Variants in TAFA1 observed in about 807,000 individuals in gnomAD.
TAFA1 encodes the protein TAFA chemokine like family member 1.
In TAFA1, 4 loss-of-function variants were observed where a neutral mutation model predicts 18.5. That is an observed-to-expected ratio of 0.22 (90% CI 0.11 to 0.49). The LOEUF (loss-of-function observed/expected upper bound fraction) is 0.49. Among genes scored for constraint, TAFA1 ranks in the 20% least tolerant of loss-of-function variants. The pLI, the probability that TAFA1 is intolerant of heterozygous loss-of-function variation, is 0.98. For synonymous variants in TAFA1, 56 were observed against 55.2 expected (o/e 1.01, Z -0.06); for missense variants, 147 against 169.0 (o/e 0.87, Z 0.72).
chr3:68,137,389 T>G (rs2065621870), intron 2 of TAFA1, among the ~76,000 whole-genome samples: 1 of 152,194 alleles, frequency 6.6e-6, no homozygotes, highest in Non-Finnish European at 1.5e-5. Context: ...TGGATTATAT[T>G]CAGAAAATGA....
intron 2 of TAFA1, among the ~76,000 whole-genome samples, chr3:68,332,983 C>T (rs79478702): frequency 9.9e-5 from 15 of 152,198 alleles, no homozygotes; most frequent in Non-Finnish European, 2.1e-4. Flanking sequence ...AATAGCTATT[C>T]CTAAAAAGTC....
rs1270836684 is a variant in TAFA1, at chr3:68,106,553, G to A, written c.118+99809G>A. 2.0e-5 allele frequency among the ~76,000 whole-genome samples: 3 copies of A among 151,966 alleles called. No homozygotes were observed. In the East Asian group the frequency reaches 5.8e-4, roughly 29 times the overall value. On this transcript the variant is annotated intron_variant, in intron 2 of 4. Coordinates refer to ENST00000478136, the MANE Select transcript of TAFA1 (RefSeq NM_213609.4). ...CTTGAGTAAGGCAACGATTTCTTAG[G>A]GTGAAAAAGAACAAACAATGAAAGA...
rs1456388377 is a variant in TAFA1, at chr3:68,538,762, T to C, written c.266T>C (p.Ile89Thr). The change falls in exon 4 of 5, where the codon ATA (isoleucine) becomes ACA (threonine). Residue 89 changes from isoleucine to threonine, a missense_variant. By Grantham distance (89) the Ile-to-Thr change is moderately conservative. Coordinates refer to ENST00000478136, the MANE Select transcript of TAFA1 (RefSeq NM_213609.4). ...GTTTCCTGTTTCTGCACAGCCTCCA[T>C]AGTGATTGGGAAATGGTGGTGTGAG... Reference protein sequence around the residue: ...RNRPSCVDASIVIGKWWCEME... With the variant: ...RNRPSCVDASTVIGKWWCEME... The C allele has an allele frequency of 2.5e-6, 4 of 1,613,294 alleles. No individual in the cohort carries two copies. Among genetic ancestry groups the C allele is most frequent in the Non-Finnish European group, 2.5e-6 (3 of 1,179,602 alleles).
At chr3:68,381,567 T>A (rs2069957404) in intron 2 of TAFA1, among the ~76,000 whole-genome samples, 1 of 152,216 alleles carries the variant, frequency 6.6e-6, no homozygotes, top group African/African-American at 2.4e-5. Context: ...TTTGGCTCTC[T>A]GTTTGTCTGT....
intron 3 of TAFA1, among the ~76,000 whole-genome samples, chr3:68,506,688 A>C (rs1468240927): frequency 6.6e-6 from 1 of 152,138 alleles, no homozygotes; most frequent in Admixed American, 6.6e-5. Flanking sequence ...AGAAAATGTT[A>C]AATATATTTT....
intron 3 of TAFA1, among the ~76,000 whole-genome samples, chr3:68,522,551 C>T (rs1343137924): frequency 6.6e-6 from 1 of 152,184 alleles, no homozygotes; most frequent in Non-Finnish European, 1.5e-5. Context: ...TGAGTACATA[C>T]ATAAAAGGCA....
intron 2 of TAFA1, among the ~76,000 whole-genome samples, chr3:68,295,509 G>T (rs1432176722): frequency 6.6e-6 from 1 of 152,040 alleles, no homozygotes; most frequent in Non-Finnish European, 1.5e-5. Context: ...ATTTGGAAAA[G>T]AAACACACAA....
At chr3:68,483,103 G>A (rs1181478504) in intron 3 of TAFA1, among the ~76,000 whole-genome samples, 2 of 152,260 alleles carry the variant, frequency 1.3e-5, no homozygotes, top group South Asian at 4.2e-4. Context: ...GAAATAAAAA[G>A]GTGCATCCAG....
rs578194690 is a variant in TAFA1, at chr3:68,035,154, G to A, written c.118+28410G>A. Among the ~76,000 whole-genome samples, 29 of 152,228 alleles carry A rather than the reference G, an allele frequency of 1.9e-4. No homozygotes were observed. In the East Asian group the frequency reaches 4.8e-3, roughly 25 times the overall value. On this transcript the variant is annotated intron_variant, in intron 2 of 4. Transcript: ENST00000478136. ...CTCAGATTTATTTTTAAGAAACAAA[G>A]CACCCCTCTGATTTATGATCTATAA...
At chr3:68,469,464 G>A (rs1453258617) in intron 3 of TAFA1, among the ~76,000 whole-genome samples, 1 of 152,134 alleles carries the variant, frequency 6.6e-6, no homozygotes, top group East Asian at 1.9e-4. Context: ...CACGAAGTCA[G>A]GAGATCGAGA....
chr3:68,180,747 C>A (rs1369733883), intron 2 of TAFA1, among the ~76,000 whole-genome samples: 3 of 111,774 alleles, frequency 2.7e-5, no homozygotes, highest in Non-Finnish European at 6.8e-5. Context: ...AGAATAGCAA[C>A]ATCACCTATG....
the TAFA1 span, among the ~76,000 whole-genome samples, chr3:67,993,204 A>T: frequency 4.6e-5 from 7 of 152,210 alleles, no homozygotes; most frequent in East Asian, 7.7e-4. Flanking sequence ...ATTTCCCTGG[A>T]TATTCTTTAA....
At chr3:68,338,194 C>G (rs574691224) in intron 2 of TAFA1, among the ~76,000 whole-genome samples, 29 of 152,272 alleles carry the variant, frequency 1.9e-4, no homozygotes, top group South Asian at 1.9e-3. Context: ...TGTAATGGAA[C>G]TCATCCATCA....
At chr3:68,132,146 C>T (rs866757471) in intron 2 of TAFA1, among the ~76,000 whole-genome samples, 1 of 152,080 alleles carries the variant, frequency 6.6e-6, no homozygotes, top group African/African-American at 2.4e-5. Flanking sequence ...TTTTCTGTTT[C>T]TGTGTTAGTT....
chr3:68,264,411 C>T (rs1218854655), intron 2 of TAFA1, among the ~76,000 whole-genome samples: 1 of 152,112 alleles, frequency 6.6e-6, no homozygotes, highest in East Asian at 1.9e-4. Context: ...TTTTCATCAC[C>T]ATTTATGTGT....
At chr3:68,492,154 A>G (rs2072465876) in intron 3 of TAFA1, among the ~76,000 whole-genome samples, 1 of 152,210 alleles carries the variant, frequency 6.6e-6, no homozygotes, top group South Asian at 2.1e-4. Context: ...ATGCACCTCT[A>G]TATGGAGACT....
intron 2 of TAFA1, among the ~76,000 whole-genome samples, chr3:68,169,620 C>T (rs1370630172): frequency 1.3e-5 from 2 of 152,194 alleles, no homozygotes; most frequent in African/African-American, 4.8e-5. Flanking sequence ...ATGTAGAATT[C>T]TATGGCTAAA....
chr3:68,105,655 G>T (rs559819476), intron 2 of TAFA1, among the ~76,000 whole-genome samples: 14 of 152,014 alleles, frequency 9.2e-5, no homozygotes, highest in Non-Finnish European at 1.9e-4. Flanking sequence ...CAAATTTCAC[G>T]TGAGAAATAA....
intron 2 of TAFA1, among the ~76,000 whole-genome samples, chr3:68,387,315 G>T (rs2070127329): frequency 6.6e-6 from 1 of 152,052 alleles, no homozygotes; most frequent in Non-Finnish European, 1.5e-5. Flanking sequence ...GCAAAAGGGG[G>T]CTATTTTAAG....
Sources: gnomAD v4.1 joint callset for allele counts (sites outside exome capture counted in the v4.1 genomes callset) on GRCh38, gnomAD v4.1.1 for gene constraint, MANE v1.5 for transcripts, NCBI Gene and HGNC (gene_info 2026-07-23, HGNC 2026-07-21) for gene names.